The following GPA33 variants were observed in gnomAD, a reference collection of about 807,000 sequenced individuals.
The protein encoded by GPA33 is cell surface A33 antigen.
In GPA33, 27 loss-of-function variants were observed where a neutral mutation model predicts 35.6. That is an observed-to-expected ratio of 0.76 (90% CI 0.56 to 1.04). The LOEUF is 1.04. Ranked by LOEUF, GPA33 falls within the 50% of genes least tolerant of loss-of-function variation. The pLI is 0.00. For synonymous variants in GPA33, 176 were observed against 164.0 expected (o/e 1.07, Z -0.56); for missense variants, 428 against 411.9 (o/e 1.04, Z -0.34).
chr1:167,082,576 G>A (rs1173003066), intron 1 of GPA33, among the ~76,000 whole-genome samples: 1 of 152,216 alleles, frequency 6.6e-6, no homozygotes, highest in East Asian at 1.9e-4. Context: ...ACCAGATGGA[G>A]CAAGACCTTA....
At chr1:167,062,427 C>T (rs1372476421) in intron 4 of GPA33, among the ~76,000 whole-genome samples, 1 of 150,744 alleles carries the variant, frequency 6.6e-6, no homozygotes. Flanking sequence ...CACAATGTTG[C>T]CCAGACTGGT....
intron 1 of GPA33, among the ~76,000 whole-genome samples, chr1:167,081,262 C>T (rs1009469588): frequency 6.6e-6 from 1 of 152,312 alleles, no homozygotes; most frequent in Admixed American, 6.5e-5. Context: ...AGTAATGCCT[C>T]CACTTGGGAA....
At chr1:167,073,129 G>T (rs191794698) in intron 2 of GPA33, among the ~76,000 whole-genome samples, 56 of 152,082 alleles carry the variant, frequency 3.7e-4, no homozygotes, top group Non-Finnish European at 5.4e-4. Flanking sequence ...TGACTGACTC[G>T]CATGATACAA....
At chr1:167,061,599 T>G (rs1281866310) in intron 4 of GPA33, among the ~76,000 whole-genome samples, 8 of 140,350 alleles carry the variant, frequency 5.7e-5, no homozygotes, top group African/African-American at 1.1e-4. Context: ...TTTTTTTTTT[T>G]TTTTTTTTTT....
chr1:167,062,669 A>ATTTTG (rs1666484901), intron 4 of GPA33, among the ~76,000 whole-genome samples: 1 of 26,228 alleles, frequency 3.8e-5, no homozygotes, highest in Non-Finnish European at 9.3e-5. Context: ...TTTTTTTTTC[A>ATTTTG]GTTTCCTGAC....
intron 1 of GPA33, among the ~76,000 whole-genome samples, chr1:167,077,754 G>A (rs901593536): frequency 1.3e-5 from 2 of 152,170 alleles, no homozygotes; most frequent in African/African-American, 4.8e-5. Context: ...ACTCTATTGA[G>A]TTAATCATTC....
intron 3 of GPA33, 134 bp downstream of exon 3, chr1:167,068,788 C>A: frequency 1.6e-6 from 1 of 641,724 alleles, no homozygotes; most frequent in Admixed American, 2.5e-5. Context: ...CTGCTGAAGA[C>A]AGCCTGGACG....
At chr1:167,073,071 A>T (rs532071783) in intron 2 of GPA33, among the ~76,000 whole-genome samples, 2 of 152,310 alleles carry the variant, frequency 1.3e-5, no homozygotes, top group East Asian at 3.9e-4. Context: ...AGGAAAAAAA[A>T]CCCATAAAAT....
intron 3 of GPA33, among the ~76,000 whole-genome samples, chr1:167,066,166 C>T (rs1666589062): frequency 6.6e-6 from 1 of 152,118 alleles, no homozygotes; most frequent in Non-Finnish European, 1.5e-5. Context: ...CTGAGGAGTC[C>T]CAGGTGTCCC....
intron 1 of GPA33, among the ~76,000 whole-genome samples, chr1:167,087,698 C>A (rs1010674935): frequency 6.6e-6 from 1 of 152,038 alleles, no homozygotes; most frequent in Non-Finnish European, 1.5e-5. Flanking sequence ...GGGCTTATTG[C>A]GAGGTCAAGA....
chr1:167,085,872 A>T lies in GPA33; in HGVS notation c.43+4373T>A, dbSNP rs181489700. On this transcript the variant is annotated intron_variant, in intron 1 of 6. Transcript: ENST00000367868. ...TACACCTAGACTGCACATCAGAATCACCTGAGTAACTTTTCAAAAACCAGA... is the reference window on the plus strand; with the variant it reads ...TACACCTAGACTGCACATCAGAATCTCCTGAGTAACTTTTCAAAAACCAGA... 5.9e-5 allele frequency among the ~76,000 whole-genome samples: 9 copies of T among 152,322 alleles called. No homozygotes were observed. In the East Asian group the frequency reaches 1.5e-3, roughly 26 times the overall value.
intron 3 of GPA33, among the ~76,000 whole-genome samples, chr1:167,068,649 C>G (rs950776694): frequency 2.9e-4 from 44 of 152,218 alleles, no homozygotes; most frequent in African/African-American, 9.6e-4. Context: ...AAAAGAGGAG[C>G]TGGTATGGAG....
intron 1 of GPA33, among the ~76,000 whole-genome samples, chr1:167,089,262 G>A (rs1164414100): frequency 6.6e-6 from 1 of 152,152 alleles, no homozygotes; most frequent in Admixed American, 6.5e-5. Context: ...GTGGCCCGGG[G>A]CTTTCCTGTG....
intron 1 of GPA33, among the ~76,000 whole-genome samples, chr1:167,087,907 GTC>G (rs892144348): frequency 5.8e-5 from 4 of 69,104 alleles, no homozygotes; most frequent in Non-Finnish European, 1.0e-4. Flanking sequence ...GCCAGACTCT[GTC>G]TCACACACAC....
intron 3 of GPA33, among the ~76,000 whole-genome samples, chr1:167,067,405 C>T (rs1666624234): frequency 6.6e-6 from 1 of 151,982 alleles, no homozygotes; most frequent in Non-Finnish European, 1.5e-5. Flanking sequence ...CCCGACCCTT[C>T]TTCTTTTTTA....
chr1:167,067,341 T>A (rs1346725969), intron 3 of GPA33, among the ~76,000 whole-genome samples: 1 of 152,078 alleles, frequency 6.6e-6, no homozygotes, highest in Non-Finnish European at 1.5e-5. Flanking sequence ...TTGCTCAGGC[T>A]GGTCTCCGCC....
chr1:167,056,899 GTGCT>G (rs1311416391), intron 4 of GPA33, among the ~76,000 whole-genome samples: 2 of 141,722 alleles, frequency 1.4e-5, no homozygotes, highest in Non-Finnish European at 3.1e-5. Context: ...TGTAGTGTGT[GTGCT>G]GCATGTGGTG....
intron 1 of GPA33, among the ~76,000 whole-genome samples, chr1:167,074,906 CTTTT>C (rs774982628): frequency 1.6e-5 from 2 of 121,746 alleles, no homozygotes. Flanking sequence ...ATTTGACTTA[CTTTT>C]TTTTTTTTTT....
chr1:167,056,913 G>A (rs1272127027), intron 4 of GPA33, among the ~76,000 whole-genome samples: 21 of 145,476 alleles, frequency 1.4e-4, no homozygotes, highest in South Asian at 2.2e-4. Flanking sequence ...TGCATGTGGT[G>A]TGTGTGGTGT....
Sources: allele counts gnomAD v4.1 joint callset (sites outside exome capture counted in the v4.1 genomes callset), GRCh38; gene constraint gnomAD v4.1.1; transcripts MANE v1.5; gene names NCBI Gene and HGNC (gene_info 2026-07-23, HGNC 2026-07-21).